CDC73: variants seen among roughly 807,000 people sequenced by gnomAD.
CDC73 encodes cell division cycle 73.
A neutral mutation model predicts 83.7 loss-of-function variants in CDC73; 21 were observed. The observed-to-expected ratio is 0.25, with a 90% CI of 0.18 to 0.36. The LOEUF (loss-of-function observed/expected upper bound fraction) is 0.36. CDC73 is among the 10% of genes least tolerant of loss of function. CDC73 has a pLI of 1.00. For missense variants in CDC73, 342 were observed against 653.3 expected, an observed-to-expected ratio of 0.52 and a Z score of 5.19; for synonymous variants, 224 against 212.9, an observed-to-expected ratio of 1.05 and a Z score of -0.45.
At chr1:193,139,822 C>G (rs926663333) in intron 6 of CDC73, among the ~76,000 whole-genome samples, 2 of 152,198 alleles carry the variant, frequency 1.3e-5, no homozygotes, top group South Asian at 2.1e-4. Flanking sequence ...GAAGACCATT[C>G]TGAGTACCTA....
chr1:193,146,559 C>G (rs867893839), intron 7 of CDC73, among the ~76,000 whole-genome samples: 123 of 152,118 alleles, frequency 8.1e-4, no homozygotes, highest in African/African-American at 2.7e-3. Context: ...CTTACTCTTT[C>G]GGGAATCCGA....
At chr1:193,203,972 A>G (rs1336818917) in intron 11 of CDC73, 120 bp downstream of exon 11, 20 of 808,556 alleles carry the variant, frequency 2.5e-5, no homozygotes, top group Non-Finnish European at 4.1e-5. Context: ...TTGCAAAGTC[A>G]TGTTTCTTTG....
At position 193,147,881 on chromosome 1, in the gene CDC73, C is replaced by CA; in HGVS notation, c.745dup (p.Ile249AsnfsTer18). 2 of 1,605,862 alleles carry CA rather than the reference C, an allele frequency of 1.2e-6. No individual in the cohort carries two copies. Among genetic ancestry groups the CA allele is most frequent in the Non-Finnish European group, 1.7e-6 (2 of 1,173,096 alleles). Reference sequence around the variant, plus strand: ...TTATATTTTAGAATTTTTCCAAGAACATTTTTGCAATTCTTCAATCTGTAA... The same window carrying CA: ...TTATATTTTAGAATTTTTCCAAGAACAATTTTTGCAATTCTTCAATCTGTAA... On this transcript the variant is annotated frameshift_variant, in exon 8 of 17. Transcript: ENST00000367435. LOFTEE classifies it high-confidence loss of function.
At chr1:193,186,137 C>G (rs928723262) in intron 10 of CDC73, 2 of 153,248 alleles carry the variant, frequency 1.3e-5, no homozygotes, top group African/African-American at 4.8e-5. Flanking sequence ...AACAGTCTGC[C>G]TCCTGCGATT....
In CDC73 at chr1:193,123,831, A is replaced by G. The variant is rs140528404; in HGVS notation, c.132-1281A>G. ...GATAAGTTGATGTGAAATGCTTTCT[A>G]TAAGTTGATGTGAAATGCTTTCTAC... On this transcript the variant is annotated intron_variant, in intron 1 of 16. Transcript: ENST00000367435. Among the ~76,000 whole-genome samples, 1,051 of 152,336 alleles carry G rather than the reference A, an allele frequency of 6.9e-3. 11 individuals carry two copies. The highest frequency in any genetic ancestry group is 0.024 in the African/African-American group (994 of 41,584).
At chr1:193,215,434 A>G (rs1293637485) in intron 13 of CDC73, among the ~76,000 whole-genome samples, 1 of 152,140 alleles carries the variant, frequency 6.6e-6, no homozygotes, top group Non-Finnish European at 1.5e-5. Flanking sequence ...AGGAAATACA[A>G]CCAGATCTCC....
chr1:193,151,650 C>T (rs1435354424), intron 9 of CDC73, among the ~76,000 whole-genome samples: 1 of 152,180 alleles, frequency 6.6e-6, no homozygotes, highest in African/African-American at 2.4e-5. Flanking sequence ...TGGTTGATTG[C>T]TGTAGCTCAC....
At position 193,140,842 on chromosome 1, in the gene CDC73, A is replaced by G. The variant is rs770349555; in HGVS notation, c.513-1008A>G. ...TTTTGGACTGTGGTTGATAGCAGGT[A>G]ACTGAAACTGTGGAAAGCCAAACAG... On this transcript the variant is annotated intron_variant, in intron 6 of 16. Coordinates refer to ENST00000367435, the MANE Select transcript of CDC73 (RefSeq NM_024529.5). 2.0e-5 allele frequency among the ~76,000 whole-genome samples: 3 copies of G among 152,218 alleles called. No homozygotes were observed. In the East Asian group the frequency reaches 5.8e-4, roughly 29 times the overall value.
At chr1:193,146,135 A>G (rs140889579) in intron 7 of CDC73, among the ~76,000 whole-genome samples, 1,841 of 152,284 alleles carry the variant, frequency 0.012, 18 homozygotes, top group South Asian at 0.034. Flanking sequence ...TTTGAGGTTC[A>G]TGAGGGCAGC....
At chr1:193,242,955 CTTT>C (rs530654324) in intron 15 of CDC73, among the ~76,000 whole-genome samples, 1 of 142,186 alleles carries the variant, frequency 7.0e-6, no homozygotes, top group Non-Finnish European at 1.5e-5. Context: ...TCTTCTTCTT[CTTT>C]TTTTTTTTTT....
In CDC73 at chr1:193,251,019, T is replaced by C. The variant is rs756127370; in HGVS notation, c.*307T>C. On this transcript the variant is annotated 3_prime_UTR_variant, in exon 17 of 17. Transcript: ENST00000367435. ...TAAATGCAGGTTATAAATGTGTGTATATTTAGAGATTATAAGGCTCTCTGA... is the reference window on the plus strand; with the variant it reads ...TAAATGCAGGTTATAAATGTGTGTACATTTAGAGATTATAAGGCTCTCTGA... 1.1e-5 allele frequency: 4 copies of C among 368,022 alleles called. No individual in the cohort carries two copies. Among genetic ancestry groups the C allele is most frequent in the Non-Finnish European group, 2.0e-5 (4 of 202,222 alleles). The allele number at this position is 368,022 out of a possible 1,614,324, so 22.8% of individuals were successfully genotyped here.
In CDC73 at chr1:193,193,194, T is replaced by C. The variant is rs561439281; in HGVS notation, c.973-10601T>C. On this transcript the variant is annotated intron_variant, in intron 10 of 16. Coordinates refer to ENST00000367435, the MANE Select transcript of CDC73 (RefSeq NM_024529.5). ...TTTGATTCTGTGCCCTGCCCCCAAC[T>C]TCTTAGGCTGTATAAGGGGTTTGCT... Among the ~76,000 whole-genome samples, 4 of 152,326 alleles carry C rather than the reference T, an allele frequency of 2.6e-5. No individual in the cohort carries two copies. In the East Asian group the frequency reaches 7.7e-4, roughly 29 times the overall value.
In CDC73 at chr1:193,124,971, T is replaced by C. The variant is rs1418152879; in HGVS notation, c.132-141T>C. 5 of 673,180 alleles carry C rather than the reference T, an allele frequency of 7.4e-6. No individual in the cohort carries two copies. The African/African-American group carries it at 9.0e-5, about 12-fold the overall frequency. 41.7% of individuals were successfully genotyped at this position (673,180 alleles called of 1,614,324 possible). On this transcript the variant is annotated intron_variant, in intron 1 of 16. Transcript: ENST00000367435. ...TTTCTTTTGTGATCATGACAGTCTATTCATTATTAGATTTTATACTTTTTT... is the reference window on the plus strand; with the variant it reads ...TTTCTTTTGTGATCATGACAGTCTACTCATTATTAGATTTTATACTTTTTT...
intron 10 of CDC73, chr1:193,180,212 G>T: frequency 8.1e-7 from 1 of 1,239,212 alleles, no homozygotes; most frequent in Non-Finnish European, 1.1e-6. Flanking sequence ...ACTAAAACTT[G>T]TCCTACGGAT....
chr1:193,165,511 C>T (rs1026822531), intron 10 of CDC73, among the ~76,000 whole-genome samples: 5 of 152,094 alleles, frequency 3.3e-5, no homozygotes, highest in Non-Finnish European at 5.9e-5. Flanking sequence ...TTAAAAAATT[C>T]TGCTGTGACA....
At chr1:193,241,897 A>G (rs773068336) in intron 15 of CDC73, among the ~76,000 whole-genome samples, 1 of 152,152 alleles carries the variant, frequency 6.6e-6, no homozygotes, top group African/African-American at 2.4e-5. Flanking sequence ...TGCTACCAGC[A>G]CTTGGGTCCT....
At chr1:193,151,311 A>G (rs572197628) in intron 9 of CDC73, among the ~76,000 whole-genome samples, 6 of 152,222 alleles carry the variant, frequency 3.9e-5, no homozygotes, top group Non-Finnish European at 5.9e-5. Context: ...AAAGGCATGC[A>G]CTGGATATGT....
chr1:193,237,618 T>C (rs145878724), intron 15 of CDC73, among the ~76,000 whole-genome samples: 1,863 of 152,142 alleles, frequency 0.012, 19 homozygotes, highest in South Asian at 0.034. Context: ...TTGGAGGTGG[T>C]GTGGTGGGGT....
At chr1:193,225,328 T>A (rs1677549008) in intron 13 of CDC73, among the ~76,000 whole-genome samples, 1 of 151,862 alleles carries the variant, frequency 6.6e-6, no homozygotes, top group South Asian at 2.1e-4. Flanking sequence ...TTAGGTTGGT[T>A]CCACATTTTT....
Sources: allele counts gnomAD v4.1 joint callset (sites outside exome capture counted in the v4.1 genomes callset), GRCh38; gene constraint gnomAD v4.1.1; transcripts MANE v1.5; gene names NCBI Gene and HGNC (gene_info 2026-07-23, HGNC 2026-07-21).